EML5: variants seen among roughly 807,000 people sequenced by gnomAD.
EML5 encodes the protein echinoderm microtubule-associated protein-like 5.
In EML5, 120 loss-of-function variants were observed where a neutral mutation model predicts 250.0. The ratio of observed to expected loss-of-function variants is 0.48; its 90% CI spans 0.41 to 0.56. The LOEUF is 0.56. Among genes scored for constraint, EML5 ranks in the 20% least tolerant of loss-of-function variants. The probability of loss-of-function intolerance (pLI) is 0.00; values close to 1 mark genes in which losing one functional copy is unlikely to be tolerated. For synonymous variants in EML5, 771 were observed against 806.5 expected, an observed-to-expected ratio of 0.96 and a Z score of 0.75; for missense variants, 2,006 against 2,437.6, an observed-to-expected ratio of 0.82 and a Z score of 3.73.
intron 38 of EML5, 65 bp downstream of exon 38, chr14:88,621,048 T>C (rs2088824374): frequency 2.0e-6 from 3 of 1,519,264 alleles, no homozygotes; most frequent in Admixed American, 2.2e-5. Flanking sequence ...GTACTAGCAA[T>C]TTAGAACTTC....
intron 8 of EML5, among the ~76,000 whole-genome samples, chr14:88,716,309 T>A (rs1313028742): frequency 6.6e-6 from 1 of 152,206 alleles, no homozygotes; most frequent in Non-Finnish European, 1.5e-5. Flanking sequence ...TACTTTTTTT[T>A]AAAGTTTCCC....
chr14:88,686,799 G>A (rs1179609381), intron 19 of EML5, among the ~76,000 whole-genome samples: 1 of 152,050 alleles, frequency 6.6e-6, no homozygotes, highest in African/African-American at 2.4e-5. Flanking sequence ...CAGCACAGCA[G>A]GACCCTGTCT....
intron 7 of EML5, among the ~76,000 whole-genome samples, chr14:88,730,015 G>A (rs1326789869): frequency 1.3e-5 from 2 of 151,962 alleles, no homozygotes; most frequent in African/African-American, 4.8e-5. Context: ...ACAATTTTCA[G>A]TGACACAGTT....
chr14:88,696,697 G>A (rs1194095994), intron 15 of EML5, 150 bp downstream of exon 15: 9 of 436,924 alleles, frequency 2.1e-5, no homozygotes, highest in Non-Finnish European at 2.8e-5. Flanking sequence ...CACTTTCATA[G>A]TATTTGATAA....
intron 31 of EML5, among the ~76,000 whole-genome samples, chr14:88,639,746 A>AT (rs1344765602): frequency 1.3e-5 from 2 of 151,730 alleles, no homozygotes; most frequent in Non-Finnish European, 2.9e-5. Context: ...CCAGCTATAT[A>AT]TTTTTTGTAT....
intron 23 of EML5, among the ~76,000 whole-genome samples, chr14:88,663,824 C>T (rs1323793109): frequency 6.6e-6 from 1 of 151,966 alleles, no homozygotes; most frequent in Non-Finnish European, 1.5e-5. Flanking sequence ...CATGAGCCAC[C>T]ATACCTGGCC....
At chr14:88,684,449 C>T (rs112143883) in intron 20 of EML5, among the ~76,000 whole-genome samples, 1 of 145,624 alleles carries the variant, frequency 6.9e-6, no homozygotes, top group Non-Finnish European at 1.5e-5. Context: ...GGATTACAGG[C>T]GTGAGCCACC....
chr14:88,741,259 T>C (rs1165160758), intron 4 of EML5, among the ~76,000 whole-genome samples: 1 of 152,020 alleles, frequency 6.6e-6, no homozygotes, highest in Non-Finnish European at 1.5e-5. Context: ...AAGGACCAAA[T>C]CTAACATACT....
At chr14:88,695,309 G>T in intron 16 of EML5, 52 bp downstream of exon 16, 1 of 1,460,450 alleles carries the variant, frequency 6.8e-7, no homozygotes, top group Non-Finnish European at 9.2e-7. Context: ...ATTTTTTTAA[G>T]TCCAAAGTAA....
chr14:88,727,680 G>C (rs2093688227), intron 7 of EML5, among the ~76,000 whole-genome samples: 1 of 152,136 alleles, frequency 6.6e-6, no homozygotes, highest in South Asian at 2.1e-4. Flanking sequence ...TTACAGGTGT[G>C]AGCCACCGCA....
At position 88,624,127 on chromosome 14, in the gene EML5, G is replaced by A. The variant is rs186883379; in HGVS notation, c.4898+843C>T. On this transcript the variant is annotated intron_variant, in intron 36 of 43. Transcript: ENST00000554922. ...GTCTCACTCTGTCACCCAGGCTGGA[G>A]TGCAGTGGCACCATCACAGCTCACT... is the stretch of plus-strand genomic sequence containing the variant. 460 of 152,364 alleles carry A rather than the reference G, an allele frequency of 3.0e-3. 7 individuals are homozygous for A. The highest frequency in any genetic ancestry group is 0.011 in the African/African-American group (453 of 41,496). 9.4% of individuals were successfully genotyped at this position (152,364 alleles called of 1,614,324 possible).
chr14:88,652,884 T>C (rs932269974), intron 27 of EML5, among the ~76,000 whole-genome samples: 9 of 152,208 alleles, frequency 5.9e-5, no homozygotes, highest in Non-Finnish European at 1.3e-4. Context: ...TAAATTACTT[T>C]GGGCAGTATG....
chr14:88,667,626 T>C (rs530928104), intron 21 of EML5, among the ~76,000 whole-genome samples: 6 of 152,264 alleles, frequency 3.9e-5, no homozygotes, highest in African/African-American at 1.4e-4. Context: ...ACTTTTTTGC[T>C]AGCTTGCCAG....
At chr14:88,658,102 TA>T in intron 26 of EML5, 84 bp downstream of exon 26, 3 of 1,343,050 alleles carry the variant, frequency 2.2e-6, no homozygotes, top group Non-Finnish European at 3.1e-6. Flanking sequence ...CAAACATTAT[TA>T]TTACTTGCTT....
intron 7 of EML5, among the ~76,000 whole-genome samples, chr14:88,734,353 T>C (rs2140175918): frequency 6.6e-6 from 1 of 152,290 alleles, no homozygotes; most frequent in African/African-American, 2.4e-5. Context: ...ATGCCACCAT[T>C]TGAAATTCTT....
intron 8 of EML5, among the ~76,000 whole-genome samples, chr14:88,718,908 G>T (rs1270820582): frequency 1.3e-5 from 2 of 152,054 alleles, no homozygotes; most frequent in Non-Finnish European, 2.9e-5. Context: ...AAAGCCAGGA[G>T]ACAACTTTTG....
intron 40 of EML5, 150 bp from the exon 41 acceptor site, chr14:88,618,481 G>C: frequency 9.3e-7 from 1 of 1,078,978 alleles, no homozygotes; most frequent in South Asian, 1.6e-5. Context: ...CTTAATAGGA[G>C]AAAAGCTCTG....
chr14:88,787,164 T>G (rs922424748), intron 1 of EML5, among the ~76,000 whole-genome samples: 4 of 152,250 alleles, frequency 2.6e-5, no homozygotes, highest in Non-Finnish European at 5.9e-5. Context: ...TTCTCCCTAT[T>G]GTCCTCAAAG....
intron 21 of EML5, among the ~76,000 whole-genome samples, chr14:88,669,593 A>C (rs1595454327): frequency 6.6e-6 from 1 of 152,242 alleles, no homozygotes; most frequent in East Asian, 1.9e-4. Context: ...CTGATCTCCC[A>C]GGGACTGAGC....
Sources: allele counts gnomAD v4.1 joint callset (sites outside exome capture counted in the v4.1 genomes callset), GRCh38; gene constraint gnomAD v4.1.1; transcripts MANE v1.5; gene names NCBI Gene and HGNC (gene_info 2026-07-23, HGNC 2026-07-21).